Variants in TASP1 observed in about 807,000 individuals in gnomAD.
TASP1 encodes the protein taspase 1, also known as threonine aspartase 1.
A neutral mutation model predicts 56.6 loss-of-function variants in TASP1; 16 were observed. The observed-to-expected ratio is 0.28, with a 90% CI of 0.19 to 0.43. The LOEUF is 0.43. TASP1 is among the 20% of genes least tolerant of loss of function. The probability of loss-of-function intolerance (pLI) is 1.00; values close to 1 mark genes in which losing one functional copy is unlikely to be tolerated. For synonymous variants in TASP1, 179 were observed against 184.2 expected (o/e 0.97, Z 0.23); for missense variants, 393 against 511.6 (o/e 0.77, Z 2.24).
the TASP1 span, among the ~76,000 whole-genome samples, chr20:13,221,276 CCTCCTCCTCCCCGCGCTT>C: frequency 7.6e-6 from 1 of 131,184 alleles, no homozygotes; most frequent in African/African-American, 2.6e-5. Context: ...TCCTTCTCCT[CCTCCTCCTCCCCGCGCTT>C]CTCTGGCGGC....
chr20:13,109,345 T>A, the TASP1 span, among the ~76,000 whole-genome samples: 1 of 152,228 alleles, frequency 6.6e-6, no homozygotes, highest in South Asian at 2.1e-4. Flanking sequence ...AAATGTGGAT[T>A]ACAGTACAGA....
At chr20:13,134,611 T>C in the TASP1 span, among the ~76,000 whole-genome samples, 1 of 152,182 alleles carries the variant, frequency 6.6e-6, no homozygotes, top group Non-Finnish European at 1.5e-5. Flanking sequence ...GAATCAGCTG[T>C]TTTAACCATT....
the TASP1 span, among the ~76,000 whole-genome samples, chr20:13,194,531 T>A: frequency 6.9e-6 from 1 of 145,984 alleles, no homozygotes; most frequent in Admixed American, 7.1e-5. Flanking sequence ...GAGTCAATAA[T>A]GTCACCAAGA....
chr20:13,474,276 C>T (rs924351575), intron 11 of TASP1, among the ~76,000 whole-genome samples: 1 of 152,116 alleles, frequency 6.6e-6, no homozygotes. Flanking sequence ...TCTTTTATCC[C>T]TCACTCCCCT....
At chr20:13,152,190 G>A in the TASP1 span, among the ~76,000 whole-genome samples, 3 of 152,080 alleles carry the variant, frequency 2.0e-5, no homozygotes, top group Non-Finnish European at 4.4e-5. Context: ...TAAGTTACTT[G>A]GCTTCTCCTT....
At chr20:13,523,491 T>C (rs1302883530) in intron 10 of TASP1, among the ~76,000 whole-genome samples, 1 of 152,162 alleles carries the variant, frequency 6.6e-6, no homozygotes, top group Non-Finnish European at 1.5e-5. Flanking sequence ...CACAGTCCCA[T>C]AGACAATCTC....
chr20:13,133,878 C>T, the TASP1 span, among the ~76,000 whole-genome samples: 596 of 152,306 alleles, frequency 3.9e-3, 6 homozygotes, highest in African/African-American at 0.013. Context: ...CCCTAACAAC[C>T]CCCACCTGGC....
chr20:13,509,408 G>A (rs991171274), intron 10 of TASP1, among the ~76,000 whole-genome samples: 4 of 152,092 alleles, frequency 2.6e-5, no homozygotes, highest in Middle Eastern at 6.8e-3. Context: ...AAATTCTGGA[G>A]GATTAATGTA....
the TASP1 span, among the ~76,000 whole-genome samples, chr20:13,301,482 C>T: frequency 6.6e-6 from 1 of 152,130 alleles, no homozygotes; most frequent in Non-Finnish European, 1.5e-5. Flanking sequence ...AAACACCATG[C>T]CCAGACATTT....
In TASP1 at chr20:13,474,048, C is replaced by T. The variant is rs1014261894; in HGVS notation, c.985+9179G>A. ...CTATGATCGTGCTACTGCACTCCAG[C>T]CTGCATGACAGAGGGAGACTCAGTC... On this transcript the variant is annotated intron_variant, in intron 11 of 13. Coordinates refer to ENST00000337743, the MANE Select transcript of TASP1 (RefSeq NM_017714.3). Among the ~76,000 whole-genome samples the T allele has an allele frequency of 1.5e-4, 23 of 152,052 alleles. 1 individual carries two copies. Among genetic ancestry groups the T allele is most frequent in the Non-Finnish European group, 2.2e-4 (15 of 68,002 alleles).
the TASP1 span, among the ~76,000 whole-genome samples, chr20:13,147,078 C>T: frequency 6.6e-6 from 1 of 152,166 alleles, no homozygotes; most frequent in Non-Finnish European, 1.5e-5. Context: ...AGGGTGTTTT[C>T]CCAGAGCCCT....
At chr20:13,586,613 G>A (rs1433545727) in intron 5 of TASP1, among the ~76,000 whole-genome samples, 3 of 152,082 alleles carry the variant, frequency 2.0e-5, no homozygotes, top group Non-Finnish European at 4.4e-5. Flanking sequence ...CTAGGTGGTG[G>A]CTTATATGGT....
At chr20:13,339,794 C>A in the TASP1 span, among the ~76,000 whole-genome samples, 1 of 151,906 alleles carries the variant, frequency 6.6e-6, no homozygotes, top group African/African-American at 2.4e-5. Flanking sequence ...AGGAGGGACA[C>A]AAAAGCCAGG....
At chr20:13,126,562 T>A in the TASP1 span, 1 of 1,611,858 alleles carries the variant, frequency 6.2e-7, no homozygotes, top group Non-Finnish European at 8.5e-7. Flanking sequence ...TTATTTGCCT[T>A]CTTTTTGGGT....
At chr20:13,285,314 G>GA in the TASP1 span, among the ~76,000 whole-genome samples, 33,638 of 150,400 alleles carry the variant, frequency 0.22, 3,758 homozygotes, top group African/African-American at 0.26. Flanking sequence ...AAAAAGAAAG[G>GA]AAAAAAAAAG....
At chr20:13,606,128 T>G (rs1042890292) in intron 4 of TASP1, among the ~76,000 whole-genome samples, 2 of 97,488 alleles carry the variant, frequency 2.1e-5, no homozygotes. Flanking sequence ...ACTGCATGTG[T>G]GTGCGTGCGT....
At chr20:13,109,061 G>A in the TASP1 span, among the ~76,000 whole-genome samples, 1 of 151,988 alleles carries the variant, frequency 6.6e-6, no homozygotes, top group Admixed American at 6.6e-5. Flanking sequence ...TTTCTTGCTA[G>A]GCTTAAATGT....
chr20:13,459,937 A>T (rs2043990724), intron 11 of TASP1, among the ~76,000 whole-genome samples: 1 of 152,138 alleles, frequency 6.6e-6, no homozygotes, highest in South Asian at 2.1e-4. Context: ...CTAACTTCTC[A>T]TCTATAGAAA....
chr20:13,314,816 T>A, the TASP1 span, among the ~76,000 whole-genome samples: 1 of 152,110 alleles, frequency 6.6e-6, no homozygotes, highest in African/African-American at 2.4e-5. Flanking sequence ...TATGCACATA[T>A]CTATATCTAT....
Sources: allele counts gnomAD v4.1 joint callset (sites outside exome capture counted in the v4.1 genomes callset), GRCh38; gene constraint gnomAD v4.1.1; transcripts MANE v1.5; gene names NCBI Gene and HGNC (gene_info 2026-07-23, HGNC 2026-07-21).